USP44: variants seen among roughly 807,000 people sequenced by gnomAD.
USP44 encodes ubiquitin specific peptidase 44.
In USP44, 61 loss-of-function variants were observed where a neutral mutation model predicts 69.0. That is an observed-to-expected ratio of 0.88 (90% CI 0.72 to 1.09). The LOEUF (loss-of-function observed/expected upper bound fraction) is 1.09, where lower values mean the gene tolerates loss of function less well. Among genes scored for constraint, USP44 ranks in the 50% least tolerant of loss-of-function variants. The pLI, the probability that USP44 is intolerant of heterozygous loss-of-function variation, is 0.00. For missense variants in USP44, 753 were observed against 849.9 expected (o/e 0.89, Z 1.42); for synonymous variants, 297 against 295.4 (o/e 1.01, Z -0.06).
rs1323261051 is a variant in USP44, at chr12:95,517,791, C to T, written c.*363G>A. The T allele has an allele frequency of 1.7e-5, 3 of 172,696 alleles. No individual in the cohort carries two copies. The highest frequency in any genetic ancestry group is 1.7e-4 in the Admixed American group (3 of 17,810). 10.7% of individuals were successfully genotyped at this position (172,696 alleles called of 1,614,324 possible). A position where few individuals can be genotyped will look rare whatever the true frequency, so the allele number is the denominator to read the frequency against. On this transcript the variant is annotated 3_prime_UTR_variant, in exon 6 of 6. Coordinates refer to ENST00000258499, the MANE Select transcript of USP44 (RefSeq NM_032147.5). ...ACCAAAGTAGAGTCTAATTTTCCAT[C>T]TATTAAGAATTTGTATAGAAAATAC...
chr12:95,545,494 C>T (rs2077541073), intron 1 of USP44, among the ~76,000 whole-genome samples: 1 of 152,066 alleles, frequency 6.6e-6, no homozygotes, highest in African/African-American at 2.4e-5. Context: ...AGGAAGTAGG[C>T]CTTAGGAATT....
chr12:95,524,566 A>G (rs986681955), intron 4 of USP44, 114 bp downstream of exon 4: 1 of 712,086 alleles, frequency 1.4e-6, no homozygotes, highest in African/African-American at 1.8e-5. Context: ...AAGTTAATTC[A>G]TTTGTCAGAA....
Position 95,518,012 on chromosome 12 carries a change from G to T in USP44, c.*142C>A. 1 of 871,170 alleles carries T rather than the reference G, an allele frequency of 1.1e-6. No individual in the cohort carries two copies. The highest frequency in any genetic ancestry group is 1.7e-6 in the Non-Finnish European group (1 of 598,128). The allele number at this position is 871,170 out of a possible 1,614,324, so 54.0% of individuals were successfully genotyped here. ...CAGTTGATATATACATTTATACTTT[G>T]TAAAAAAAAAAATTGTTAGATATAA... On this transcript the variant is annotated 3_prime_UTR_variant, in exon 6 of 6. Coordinates refer to ENST00000258499, the MANE Select transcript of USP44 (RefSeq NM_032147.5).
rs189887816 is a variant in USP44, at chr12:95,528,915, T to C, written c.1516A>G (p.Ser506Gly). 6.1e-5 allele frequency: 99 copies of C among 1,614,088 alleles called. 1 individual carries two copies. The East Asian group carries it at 1.4e-3, about 23-fold the overall frequency. The change falls in exon 3 of 6, where the codon AGT becomes GGT. Residue 506 changes from serine to glycine, a missense_variant. Physicochemically the swap from Ser to Gly is moderately conservative, Grantham distance 56. Transcript: ENST00000258499. ...SLEFPERYQC[S>G]GKDIASQPCL... ...GGCTGGGAAGCAATATCTTTTCCACTGCATTGATACCTTTCTGGAAACTCC... is the reference window on the plus strand; with the variant it reads ...GGCTGGGAAGCAATATCTTTTCCACCGCATTGATACCTTTCTGGAAACTCC...
intron 2 of USP44, among the ~76,000 whole-genome samples, chr12:95,529,378 G>T (rs2769470): frequency 0.084 from 12,682 of 151,186 alleles, 670 homozygotes; most frequent in Non-Finnish European, 0.12. Flanking sequence ...CATGCATTAA[G>T]TTTAATGTAT....
At position 95,533,417 on chromosome 12, in the gene USP44, AT is replaced by A. The variant is rs1452351232; in HGVS notation, c.839del (p.Asn280IlefsTer5). The A allele has an allele frequency of 3.7e-6, 6 of 1,613,742 alleles. No individual in the cohort carries two copies. The highest frequency in any genetic ancestry group is 5.1e-6 in the Non-Finnish European group (6 of 1,179,814). On this transcript the variant is annotated frameshift_variant, in exon 2 of 6. Coordinates refer to ENST00000258499, the MANE Select transcript of USP44 (RefSeq NM_032147.5). LOFTEE classifies it high-confidence loss of function. The part of the protein sequence containing the change: ...PGVTGLRNLG[N>X]TCYMNSVLQV... ...GAAGAACAGAATTCATATAGCAAGTATTTCCCAAATTTCTCAATCCTGTTAC... is the reference window on the plus strand; with the variant it reads ...GAAGAACAGAATTCATATAGCAAGTATTCCCAAATTTCTCAATCCTGTTAC...
At chr12:95,520,950 C>T (rs201914668) in intron 5 of USP44, 47 bp downstream of exon 5, 88 of 1,574,406 alleles carry the variant, frequency 5.6e-5, no homozygotes, top group Non-Finnish European at 7.3e-5. Flanking sequence ...GCCTGAACTC[C>T]AGCCTCCAAG....
intron 2 of USP44, among the ~76,000 whole-genome samples, chr12:95,531,604 T>C (rs1253359381): frequency 1.3e-5 from 2 of 152,220 alleles, no homozygotes; most frequent in East Asian, 3.8e-4. Context: ...AATTCTTATT[T>C]GCTAATTGAC....
chr12:95,520,036 A>G (rs2076608054), intron 5 of USP44, among the ~76,000 whole-genome samples: 1 of 131,948 alleles, frequency 7.6e-6, no homozygotes, highest in Non-Finnish European at 1.6e-5. Context: ...AAAAAAAAAA[A>G]GCCAATAGTG....
rs372247671 is a variant in USP44, at chr12:95,518,308, A to C, written c.1985T>G (p.Met662Arg). ...AGCTTGAGCCTTGCATACTTCATCC[A>C]TAGTGCACATGCTTAGTTTGGAATC... ...CNDSKLSMCT[M>R]DEVCKAQAYI... The change falls in exon 6 of 6, where the codon ATG becomes AGG. Residue 662 changes from methionine to arginine, a missense_variant. Coordinates refer to ENST00000258499, the MANE Select transcript of USP44 (RefSeq NM_032147.5). The C allele has an allele frequency of 6.2e-7, 1 of 1,614,212 alleles. No individual in the cohort carries two copies. Among genetic ancestry groups the C allele is most frequent in the Non-Finnish European group, 8.5e-7 (1 of 1,180,036 alleles).
chr12:95,546,838 C>T (rs962818389), intron 1 of USP44: 2 of 152,180 alleles, frequency 1.3e-5, no homozygotes, highest in Non-Finnish European at 2.9e-5. Context: ...ACTAGAGATA[C>T]ACATATAAAA....
intron 4 of USP44, 115 bp downstream of exon 4, chr12:95,524,565 C>A (rs536510720): frequency 1.6e-5 from 11 of 698,042 alleles, no homozygotes; most frequent in Admixed American, 1.4e-4. Flanking sequence ...AAAGTTAATT[C>A]ATTTGTCAGA....
chr12:95,533,698 TTAC>T lies in USP44; in HGVS notation c.556_558del (p.Val186del). 5 of 1,613,974 alleles carry T rather than the reference TTAC, an allele frequency of 3.1e-6. No individual in the cohort carries two copies. The South Asian group carries it at 3.3e-5, about 11-fold the overall frequency. ...TGCCGTCTTTTCTTTACTTCTCTTTTTACTACTATTTTTTCCTGAAATGGTTCT... is the reference window on the plus strand; with the variant it reads ...TGCCGTCTTTTCTTTACTTCTCTTTTTACTATTTTTTCCTGAAATGGTTCT... On this transcript the variant is annotated inframe_deletion, in exon 2 of 6. Transcript: ENST00000258499.
In USP44 at chr12:95,533,371, T is replaced by C; in HGVS notation, c.886A>G (p.Ile296Val). Reference protein sequence around the residue: ...SVLQVLSHLLIFRQCFLKLDL... With the variant: ...SVLQVLSHLLVFRQCFLKLDL... ...AGCTTTAAAAAACATTGTCGAAAAA[T>C]AAGTAAATGACTCAACACCTGAAGA... Residue 296 changes from isoleucine to valine, a missense_variant, in exon 2 of 6, where the codon ATT becomes GTT. Ile to Val is a conservative substitution (Grantham distance 29). Transcript: ENST00000258499. 1 of 1,613,114 alleles carries C rather than the reference T, an allele frequency of 6.2e-7. No individual in the cohort carries two copies.
chr12:95,547,007 A>C (rs1424474867), intron 1 of USP44: 1 of 152,234 alleles, frequency 6.6e-6, no homozygotes, highest in Non-Finnish European at 1.5e-5. Flanking sequence ...AAAAGGGAGA[A>C]AGACAACTGG....
intron 2 of USP44, among the ~76,000 whole-genome samples, chr12:95,531,156 T>C (rs1281454329): frequency 6.6e-6 from 1 of 151,732 alleles, no homozygotes; most frequent in Non-Finnish European, 1.5e-5. Flanking sequence ...AGAGTGAGAC[T>C]CTGTCTCAAA....
rs2077632333 is a variant in USP44, at chr12:95,548,107, G to A, written c.-71+3165C>T. On this transcript the variant is annotated intron_variant, in intron 1 of 5. Coordinates refer to ENST00000258499, the MANE Select transcript of USP44 (RefSeq NM_032147.5). This position sits in a 1 kb window ranked among gnomAD's most constrained non-coding sequence, Gnocchi z 4.1. ...TCGAAGGCCATCGGGAATGGCTTTAGGAAGCTGATTTTCAAGCTTTAAGCG... is the reference window on the plus strand; with the variant it reads ...TCGAAGGCCATCGGGAATGGCTTTAAGAAGCTGATTTTCAAGCTTTAAGCG... 6.6e-6 allele frequency: 1 copy of A among 152,198 alleles called. No individual in the cohort carries two copies. 9.4% of individuals were successfully genotyped at this position (152,198 alleles called of 1,614,324 possible). A position where few individuals can be genotyped will look rare whatever the true frequency, so the allele number is the denominator to read the frequency against.
Position 95,533,067 on chromosome 12 carries a change from C to T in USP44, c.1190G>A (p.Trp397Ter). 7 of 1,614,226 alleles carry T rather than the reference C, an allele frequency of 4.3e-6. No homozygotes were observed. Among genetic ancestry groups the T allele is most frequent in the Non-Finnish European group, 5.9e-6 (7 of 1,180,046 alleles). ...CATAGCAAATGGTGAGACCAACGCCCACTTTCCAGACCACATGACTTGGAA... is the reference window on the plus strand; with the variant it reads ...CATAGCAAATGGTGAGACCAACGCCTACTTTCCAGACCACATGACTTGGAA... ...TLFQVMWSGK[W>*]ALVSPFAMLH... The change falls in exon 2 of 6, where the codon TGG becomes TAG. Residue 397 changes from tryptophan to a stop codon, truncating the protein, a stop_gained. Transcript: ENST00000258499. LOFTEE classifies it high-confidence loss of function.
chr12:95,533,863 A>G lies in USP44; in HGVS notation c.394T>C (p.Leu132=). 1 of 1,614,148 alleles carries G rather than the reference A, an allele frequency of 6.2e-7. No homozygotes were observed. Among genetic ancestry groups the G allele is most frequent in the Non-Finnish European group, 8.5e-7 (1 of 1,180,022 alleles). Residue 132 remains leucine, a synonymous_variant, in exon 2 of 6, where the codon TTA becomes CTA. Transcript: ENST00000258499. ...SMGTGDDSYF[L]HDGAQSLLQS... ...AGCAGAGATTGGGCACCGTCATGTAAGAAATAAGAATCATCACCTGTACCC... is the reference window on the plus strand; with the variant it reads ...AGCAGAGATTGGGCACCGTCATGTAGGAAATAAGAATCATCACCTGTACCC...
Sources: gnomAD v4.1 joint callset for allele counts (sites outside exome capture counted in the v4.1 genomes callset) on GRCh38, gnomAD v4.1.1 for gene constraint, Gnocchi (gnomAD v3.1) non-coding constraint, MANE v1.5 for transcripts, NCBI Gene and HGNC (gene_info 2026-07-23, HGNC 2026-07-21) for gene names.